FSTL4: variants seen among roughly 807,000 people sequenced by gnomAD.
FSTL4 encodes the protein follistatin-related protein 4.
FSTL4 carries 28 observed loss-of-function variants against 78.2 expected under a neutral mutation model. The observed-to-expected ratio is 0.36, with a 90% CI of 0.27 to 0.49. The LOEUF (loss-of-function observed/expected upper bound fraction) is 0.49, where lower values mean the gene tolerates loss of function less well. FSTL4 is among the 20% of genes least tolerant of loss of function. The probability of loss-of-function intolerance (pLI) is 0.98; values close to 1 mark genes in which losing one functional copy is unlikely to be tolerated. For synonymous variants in FSTL4, 422 were observed against 440.5 expected (o/e 0.96, Z 0.53); for missense variants, 922 against 1,084.9 (o/e 0.85, Z 2.11).
the FSTL4 span, among the ~76,000 whole-genome samples, chr5:133,838,903 G>T: frequency 2.0e-5 from 3 of 152,190 alleles, no homozygotes; most frequent in Non-Finnish European, 4.4e-5. Context: ...GACATCACAC[G>T]CATGGGCACA....
the FSTL4 span, among the ~76,000 whole-genome samples, chr5:133,792,524 A>G: frequency 6.6e-6 from 1 of 152,228 alleles, no homozygotes; most frequent in African/African-American, 2.4e-5. Context: ...AGCTTGCTTC[A>G]TCCATGCACA....
the FSTL4 span, among the ~76,000 whole-genome samples, chr5:133,784,355 T>C: frequency 6.6e-6 from 1 of 152,156 alleles, no homozygotes; most frequent in South Asian, 2.1e-4. Context: ...GAAAAACAAG[T>C]GCTTGCCCCC....
At chr5:133,452,630 T>C (rs1041352197) in intron 3 of FSTL4, among the ~76,000 whole-genome samples, 2 of 152,236 alleles carry the variant, frequency 1.3e-5, no homozygotes, top group Non-Finnish European at 2.9e-5. Context: ...AAATGTACTG[T>C]GTAGATGAAG....
chr5:133,225,789 C>T lies in FSTL4; in HGVS notation c.1046G>A (p.Ser349Asn). The change falls in exon 9 of 16, where the codon AGC becomes AAC. Residue 349 changes from serine to asparagine, a missense_variant. Transcript: ENST00000265342. The surrounding 1 kb of genome is among the most constrained non-coding windows in gnomAD (Gnocchi z 4.6). ...TGCCACTCCAGGCTCCTGTGCCTGG[C>T]TCTCTGGATAGACACGGATGACTGG... ...VPPVIRVYPE[S>N]QAQEPGVAAS... The T allele has an allele frequency of 1.9e-6, 3 of 1,602,218 alleles. No individual in the cohort carries two copies. Among genetic ancestry groups the T allele is most frequent in the Non-Finnish European group, 2.6e-6 (3 of 1,174,530 alleles).
intron 3 of FSTL4, among the ~76,000 whole-genome samples, chr5:133,544,638 C>G (rs942858373): frequency 1.3e-5 from 2 of 152,102 alleles, no homozygotes; most frequent in African/African-American, 4.8e-5. Context: ...AAATGGAGCT[C>G]AAGTAGAGAG....
chr5:133,542,450 T>C (rs1759496810), intron 3 of FSTL4, among the ~76,000 whole-genome samples: 1 of 152,206 alleles, frequency 6.6e-6, no homozygotes, highest in Non-Finnish European at 1.5e-5. Flanking sequence ...TACCAGGTTT[T>C]GGTGTCAAGT....
At chr5:133,533,633 T>C (rs1290933770) in intron 3 of FSTL4, among the ~76,000 whole-genome samples, 1 of 152,206 alleles carries the variant, frequency 6.6e-6, no homozygotes, top group Admixed American at 6.5e-5. Context: ...TGTTCACAGT[T>C]ATCTCCACCC....
upstream of FSTL4, among the ~76,000 whole-genome samples, chr5:133,613,486 G>A (rs564667247): frequency 1.6e-4 from 24 of 152,218 alleles, no homozygotes; most frequent in African/African-American, 5.8e-4. Context: ...TTCTGAGGAT[G>A]AAGTTAGTTA....
In FSTL4 at chr5:133,400,745, G is replaced by C. The variant is rs764562351; in HGVS notation, c.402C>G (p.Phe134Leu). The change falls in exon 4 of 16, where the codon TTC becomes TTG. Residue 134 changes from phenylalanine to leucine, a missense_variant. Transcript: ENST00000265342. The part of the protein sequence containing the change: ...RITVIHSKDC[F>L]LKGDTCTMAG... ...CAAGGGCCCTGTTCCTACCTTTGAG[G>C]AAACAGTCCTTGCTGTGGATGACGG... The C allele has an allele frequency of 1.2e-6, 2 of 1,613,826 alleles. No individual in the cohort carries two copies. The highest frequency in any genetic ancestry group is 2.2e-5 in the South Asian group (2 of 91,076).
chr5:133,672,748 G>T, the FSTL4 span, among the ~76,000 whole-genome samples: 1 of 152,206 alleles, frequency 6.6e-6, no homozygotes, highest in Non-Finnish European at 1.5e-5. Context: ...GCTGTGAAGA[G>T]AGCTGGCTTC....
chr5:133,452,028 G>C (rs1757394921), intron 3 of FSTL4, among the ~76,000 whole-genome samples: 1 of 152,220 alleles, frequency 6.6e-6, no homozygotes, highest in Admixed American at 6.5e-5. Flanking sequence ...TCTTCCCCCA[G>C]GAGCCCACAC....
intron 14 of FSTL4, among the ~76,000 whole-genome samples, chr5:133,203,459 C>CT (rs1175902043): frequency 6.6e-6 from 1 of 152,180 alleles, no homozygotes; most frequent in Admixed American, 6.5e-5. Flanking sequence ...AGGCTTGTGT[C>CT]TTTTTTCGTC....
At chr5:133,288,270 A>G (rs1753181996) in intron 6 of FSTL4, among the ~76,000 whole-genome samples, 1 of 152,134 alleles carries the variant, frequency 6.6e-6, no homozygotes, top group African/African-American at 2.4e-5. Context: ...CAGGCCTTAG[A>G]TGAGAGTTTT....
chr5:133,320,778 C>T (rs922566728), intron 4 of FSTL4, among the ~76,000 whole-genome samples: 4 of 152,080 alleles, frequency 2.6e-5, no homozygotes, highest in Admixed American at 1.3e-4. Context: ...GAGGCCGAGG[C>T]GGGCGGATCA....
the FSTL4 span, among the ~76,000 whole-genome samples, chr5:133,685,862 G>T: frequency 1.3e-5 from 2 of 152,210 alleles, no homozygotes; most frequent in South Asian, 2.1e-4. Context: ...TGTCCCAGCC[G>T]TGTCCCTGAG....
the FSTL4 span, among the ~76,000 whole-genome samples, chr5:133,829,327 A>C: frequency 2.6e-5 from 4 of 152,216 alleles, no homozygotes; most frequent in Non-Finnish European, 5.9e-5. Context: ...CAGAGGTTGC[A>C]GTGAGCTGAG....
the FSTL4 span, among the ~76,000 whole-genome samples, chr5:133,701,509 A>ACACACACACACACACACACC: frequency 1.4e-3 from 191 of 132,672 alleles, 2 homozygotes; most frequent in South Asian, 3.6e-3. Context: ...ACACACACAC[A>ACACACACACACACACACACC]CCCCACAGGC....
intron 3 of FSTL4, among the ~76,000 whole-genome samples, chr5:133,403,622 G>A (rs891387187): frequency 2.0e-5 from 3 of 152,176 alleles, no homozygotes; most frequent in African/African-American, 7.2e-5. Context: ...GTGTTGACCC[G>A]GTAGGGGTAC....
intron 3 of FSTL4, among the ~76,000 whole-genome samples, chr5:133,459,640 T>C (rs1757555626): frequency 6.6e-6 from 1 of 152,184 alleles, no homozygotes; most frequent in Non-Finnish European, 1.5e-5. Flanking sequence ...AGACAGTCCT[T>C]GTCCTCCAGC....
Sources: gnomAD v4.1 joint callset for allele counts (sites outside exome capture counted in the v4.1 genomes callset) on GRCh38, gnomAD v4.1.1 for gene constraint, Gnocchi (gnomAD v3.1) non-coding constraint, MANE v1.5 for transcripts, NCBI Gene and HGNC (gene_info 2026-07-23, HGNC 2026-07-21) for gene names.